Variants in FOXN3 observed in about 807,000 individuals in gnomAD.
FOXN3 encodes the protein forkhead box protein N3.
FOXN3 carries 7 observed loss-of-function variants against 38.4 expected under a neutral mutation model. The observed-to-expected ratio is 0.18, with a 90% CI of 0.10 to 0.34. The LOEUF is 0.34. FOXN3 is among the 10% of genes least tolerant of loss of function. The pLI, the probability that FOXN3 is intolerant of heterozygous loss-of-function variation, is 1.00. For missense variants in FOXN3, 456 were observed against 613.4 expected, an observed-to-expected ratio of 0.74 and a Z score of 2.71; for synonymous variants, 230 against 242.2, an observed-to-expected ratio of 0.95 and a Z score of 0.47.
intron 2 of FOXN3, among the ~76,000 whole-genome samples, chr14:89,374,204 C>A (rs371374182): frequency 8.3e-6 from 1 of 120,862 alleles, no homozygotes; most frequent in Non-Finnish European, 1.6e-5. Flanking sequence ...GTCGAGGCTG[C>A]AGTGAGCCAT....
chr14:89,318,228 A>T (rs1273875731), intron 3 of FOXN3, among the ~76,000 whole-genome samples: 1 of 138,530 alleles, frequency 7.2e-6, no homozygotes, highest in Non-Finnish European at 1.5e-5. Flanking sequence ...GCGTGATCTC[A>T]GCTCACTGCA....
chr14:89,181,494 C>T (rs1172712472), intron 4 of FOXN3, among the ~76,000 whole-genome samples: 3 of 152,220 alleles, frequency 2.0e-5, no homozygotes, highest in Non-Finnish European at 4.4e-5. Context: ...CCACACAGTT[C>T]ATCCCCCCAG....
At chr14:89,233,350 T>C (rs954969071) in intron 4 of FOXN3, among the ~76,000 whole-genome samples, 1 of 152,318 alleles carries the variant, frequency 6.6e-6, no homozygotes, top group Admixed American at 6.5e-5. Flanking sequence ...TGGTGGTGTC[T>C]GAGGTCACAT....
At chr14:89,473,939 AT>A (rs1378850425) in intron 1 of FOXN3, among the ~76,000 whole-genome samples, 7 of 152,334 alleles carry the variant, frequency 4.6e-5, no homozygotes, top group African/African-American at 1.4e-4. Context: ...AAAAAAAAAA[AT>A]AAATCCACAA....
chr14:89,503,666 C>T (rs557494825), intron 1 of FOXN3, among the ~76,000 whole-genome samples: 44 of 152,258 alleles, frequency 2.9e-4, no homozygotes, highest in Non-Finnish European at 5.7e-4. Context: ...ACAGTAGGAC[C>T]GAGTCAGGGA....
chr14:89,506,555 C>T (rs1459424891), intron 1 of FOXN3, among the ~76,000 whole-genome samples: 6 of 151,382 alleles, frequency 4.0e-5, no homozygotes, highest in African/African-American at 1.2e-4. Flanking sequence ...GTGAGGGGCG[C>T]CTCTGCCCGG....
intron 1 of FOXN3, among the ~76,000 whole-genome samples, chr14:89,518,162 T>A (rs757906789): frequency 7.2e-5 from 11 of 152,196 alleles, no homozygotes; most frequent in Non-Finnish European, 1.5e-4. Flanking sequence ...AGACATCACC[T>A]GGGCATGTGT....
intron 4 of FOXN3, among the ~76,000 whole-genome samples, chr14:89,246,444 A>G (rs936412043): frequency 1.3e-5 from 2 of 151,778 alleles, no homozygotes; most frequent in Non-Finnish European, 2.9e-5. Flanking sequence ...GAGAGCCACA[A>G]TGAAGAGTAA....
upstream of FOXN3, among the ~76,000 whole-genome samples, chr14:89,421,478 G>A (rs180726545): frequency 6.0e-5 from 9 of 149,816 alleles, no homozygotes; most frequent in East Asian, 2.0e-4. Flanking sequence ...ATGTGAAATC[G>A]TGCAATTGTC....
At chr14:89,592,586 CTT>C (rs1895979993) in intron 1 of FOXN3, among the ~76,000 whole-genome samples, 1 of 152,164 alleles carries the variant, frequency 6.6e-6, no homozygotes, top group South Asian at 2.1e-4. Flanking sequence ...TGAGTATTGC[CTT>C]TGAAATACTG....
intron 4 of FOXN3, among the ~76,000 whole-genome samples, chr14:89,255,777 A>G (rs1248735917): frequency 6.6e-6 from 1 of 152,150 alleles, no homozygotes; most frequent in Admixed American, 6.5e-5. Context: ...GGGTCAGCAA[A>G]CTGACCTTCC....
chr14:89,560,427 C>T (rs1267855863), intron 1 of FOXN3, among the ~76,000 whole-genome samples: 1 of 152,170 alleles, frequency 6.6e-6, no homozygotes, highest in Non-Finnish European at 1.5e-5. Context: ...GACTGTCTGT[C>T]CTAGATACAA....
At chr14:89,250,990 A>T (rs1256407529) in intron 4 of FOXN3, among the ~76,000 whole-genome samples, 1 of 152,196 alleles carries the variant, frequency 6.6e-6, no homozygotes, top group African/African-American at 2.4e-5. Context: ...TAAATTACTC[A>T]GTCTCGGGTA....
chr14:89,402,664 C>A (rs1891281917), intron 2 of FOXN3, among the ~76,000 whole-genome samples: 1 of 152,184 alleles, frequency 6.6e-6, no homozygotes, highest in Admixed American at 6.5e-5. Flanking sequence ...CTGTCCTTCC[C>A]TGCACTCCCC....
chr14:89,232,507 G>C (rs1302905330), intron 4 of FOXN3, among the ~76,000 whole-genome samples: 1 of 152,168 alleles, frequency 6.6e-6, no homozygotes, highest in East Asian at 1.9e-4. Context: ...TATAACAAAG[G>C]TCCTGATGCA....
chr14:89,608,314 G>C (rs1403266575), intron 1 of FOXN3, among the ~76,000 whole-genome samples: 1 of 151,918 alleles, frequency 6.6e-6, no homozygotes, highest in African/African-American at 2.4e-5. Context: ...GATAATTTTT[G>C]TATTTTTAGT....
At chr14:89,487,264 A>T (rs2139768634) in intron 1 of FOXN3, among the ~76,000 whole-genome samples, 1 of 152,374 alleles carries the variant, frequency 6.6e-6, no homozygotes, top group South Asian at 2.1e-4. Flanking sequence ...TCTCTGAAGA[A>T]GATATCTTTT....
At chr14:89,171,320 A>G (rs568614509) in intron 5 of FOXN3, among the ~76,000 whole-genome samples, 1 of 152,346 alleles carries the variant, frequency 6.6e-6, no homozygotes, top group South Asian at 2.1e-4. Context: ...GGAAAACATC[A>G]GTGCCAGACT....
intron 4 of FOXN3, among the ~76,000 whole-genome samples, chr14:89,218,055 T>C (rs1254115630): frequency 6.6e-6 from 1 of 152,226 alleles, no homozygotes; most frequent in East Asian, 1.9e-4. Context: ...CATACTCTTT[T>C]AGCAAAACCC....
Sources: gnomAD v4.1 joint callset for allele counts (sites outside exome capture counted in the v4.1 genomes callset) on GRCh38, gnomAD v4.1.1 for gene constraint, MANE v1.5 for transcripts, NCBI Gene and HGNC (gene_info 2026-07-23, HGNC 2026-07-21) for gene names.